Variants in PANK3 observed in about 807,000 individuals in gnomAD.
The protein encoded by PANK3 is pantothenate kinase 3.
In PANK3, 20 loss-of-function variants were observed where a neutral mutation model predicts 39.4. That is an observed-to-expected ratio of 0.51 (90% CI 0.36 to 0.74). The LOEUF (loss-of-function observed/expected upper bound fraction) is 0.74. Ranked by LOEUF, PANK3 falls within the 30% of genes least tolerant of loss-of-function variation. The pLI, the probability that PANK3 is intolerant of heterozygous loss-of-function variation, is 0.00. For missense variants in PANK3, 265 were observed against 437.0 expected (o/e 0.61, Z 3.51); for synonymous variants, 140 against 157.3 (o/e 0.89, Z 0.82).
rs1343459030 is a variant in PANK3, at chr5:168,553,979, T to A, written c.*3592A>T. The A allele has an allele frequency of 6.6e-6, 1 of 152,258 alleles. No individual in the cohort carries two copies. The highest frequency in any genetic ancestry group is 1.5e-5 in the Non-Finnish European group (1 of 68,056). The allele number at this position is 152,258 out of a possible 1,614,324, so 9.4% of individuals were successfully genotyped here. A position where few individuals can be genotyped will look rare whatever the true frequency, so the allele number is the denominator to read the frequency against. ...TTATCCCAAATAAATGTTACAGGAA[T>A]CTAATAGATGAGCTATTTTGAAACT... is the stretch of plus-strand genomic sequence containing the variant. On this transcript the variant is annotated 3_prime_UTR_variant, in exon 7 of 7. Transcript: ENST00000239231.
At chr5:168,569,943 A>G (rs540832821) in intron 1 of PANK3, among the ~76,000 whole-genome samples, 1 of 152,198 alleles carries the variant, frequency 6.6e-6, no homozygotes, top group African/African-American at 2.4e-5. Context: ...TCCCAGTTAC[A>G]GGAGGCTGAG....
chr5:168,572,312 C>T (rs974754818), intron 1 of PANK3, among the ~76,000 whole-genome samples: 3 of 152,002 alleles, frequency 2.0e-5, no homozygotes, highest in East Asian at 1.9e-4. Flanking sequence ...AGGGGTTTCA[C>T]CATGTTGACT....
chr5:168,574,619 T>C (rs1759702478), intron 1 of PANK3, among the ~76,000 whole-genome samples: 2 of 152,160 alleles, frequency 1.3e-5, no homozygotes, highest in African/African-American at 4.8e-5. Context: ...CCTAGCACTA[T>C]GGGAGGCCGA....
At chr5:168,557,813 T>C (rs1759374216) in intron 6 of PANK3, among the ~76,000 whole-genome samples, 192 bp from the exon 7 acceptor site, 1 of 152,210 alleles carries the variant, frequency 6.6e-6, no homozygotes, top group Non-Finnish European at 1.5e-5. Flanking sequence ...ACCTTTGAAA[T>C]ATGTATTTTT....
intron 1 of PANK3, among the ~76,000 whole-genome samples, chr5:168,578,033 T>A (rs1030064213): frequency 5.3e-5 from 8 of 152,342 alleles, no homozygotes; most frequent in African/African-American, 1.4e-4. Context: ...AATAATTTTT[T>A]AAAAATTTTA....
At chr5:168,576,687 CA>C (rs1759735526) in intron 1 of PANK3, among the ~76,000 whole-genome samples, 1 of 151,502 alleles carries the variant, frequency 6.6e-6, no homozygotes, top group African/African-American at 2.4e-5. Flanking sequence ...CTTGTTTAGC[CA>C]ATATAATATA....
chr5:168,569,725 C>T (rs1759596117), intron 1 of PANK3, among the ~76,000 whole-genome samples: 1 of 152,124 alleles, frequency 6.6e-6, no homozygotes, highest in Admixed American at 6.5e-5. Context: ...CCTATAATCA[C>T]TTCAAGTAAC....
intron 1 of PANK3, among the ~76,000 whole-genome samples, chr5:168,570,775 C>A (rs139151147): frequency 2.0e-5 from 3 of 152,258 alleles, no homozygotes; most frequent in Admixed American, 2.0e-4. Context: ...ACACTACTGA[C>A]GTTCTAAGTA....
intron 5 of PANK3, 81 bp downstream of exon 5, chr5:168,561,312 G>C: frequency 4.6e-6 from 6 of 1,294,442 alleles, no homozygotes; most frequent in African/African-American, 1.5e-5. Context: ...CTTAGGGAAA[G>C]TGAAGAAGCC....
chr5:168,574,638 G>C (rs1759702791), intron 1 of PANK3, among the ~76,000 whole-genome samples: 1 of 152,124 alleles, frequency 6.6e-6, no homozygotes, highest in South Asian at 2.1e-4. Context: ...GAGGTGGGTG[G>C]ATCACCTGAG....
chr5:168,555,877 G>GCCTACCA lies in PANK3; in HGVS notation c.*1693_*1694insTGGTAGG, dbSNP rs1759342550. ...TGGCATCCTGCCATTTCATTGTAGT[G>GCCTACCA]CCTATCATTTTTCCATTGATACTGA... On this transcript the variant is annotated 3_prime_UTR_variant, in exon 7 of 7. Coordinates refer to ENST00000239231, the MANE Select transcript of PANK3 (RefSeq NM_024594.4). 6.6e-6 allele frequency: 1 copy of GCCTACCA among 152,192 alleles called. No individual in the cohort carries two copies. Among genetic ancestry groups the GCCTACCA allele is most frequent in the Non-Finnish European group, 1.5e-5 (1 of 68,046 alleles). The allele number at this position is 152,192 out of a possible 1,614,324, so 9.4% of individuals were successfully genotyped here. A position where few individuals can be genotyped will look rare whatever the true frequency, so the allele number is the denominator to read the frequency against.
rs1263853205 is a variant in PANK3, at chr5:168,551,539, A to C, written c.*6032T>G. ...TACAATATGAAAAAACTTTGCTTAT[A>C]ATATACAGAGTGGTTATAAAGAACA... On this transcript the variant is annotated 3_prime_UTR_variant, in exon 7 of 7. Coordinates refer to ENST00000239231, the MANE Select transcript of PANK3 (RefSeq NM_024594.4). 6.6e-6 allele frequency: 1 copy of C among 152,190 alleles called. No homozygotes were observed. The highest frequency in any genetic ancestry group is 2.4e-5 in the African/African-American group (1 of 41,460). The allele number at this position is 152,190 out of a possible 1,614,324, so 9.4% of individuals were successfully genotyped here.
chr5:168,563,841 T>C (rs769392336), intron 4 of PANK3, 48 bp downstream of exon 4: 15 of 1,497,514 alleles, frequency 1.0e-5, no homozygotes, highest in Middle Eastern at 1.8e-4. Context: ...ATAAGCAACT[T>C]GAATTACTTA....
At position 168,579,323 on chromosome 5, in the gene PANK3, G is replaced by A. The variant is rs1759791269; in HGVS notation, c.-40C>T. ...GGGCGATGGACGGCCTCCGATCCGG[G>A]GCACTGAGAGCAGAGGCGGCGACTC... On this transcript the variant is annotated 5_prime_UTR_variant, in exon 1 of 7. Coordinates refer to ENST00000239231, the MANE Select transcript of PANK3 (RefSeq NM_024594.4). 2.8e-6 allele frequency: 4 copies of A among 1,450,096 alleles called. No homozygotes were observed. Among genetic ancestry groups the A allele is most frequent in the African/African-American group, 1.5e-5 (1 of 67,772 alleles). The allele number at this position is 1,450,096 out of a possible 1,614,324, so 89.8% of individuals were successfully genotyped here. A position where few individuals can be genotyped will look rare whatever the true frequency, so the allele number is the denominator to read the frequency against.
intron 1 of PANK3, among the ~76,000 whole-genome samples, chr5:168,578,953 T>A (rs1404038283): frequency 6.6e-6 from 1 of 152,060 alleles, no homozygotes; most frequent in Non-Finnish European, 1.5e-5. Flanking sequence ...CAGGGGGAGC[T>A]GGGAGAGGAG....
chr5:168,574,599 C>A (rs541555907), intron 1 of PANK3, among the ~76,000 whole-genome samples: 1 of 152,280 alleles, frequency 6.6e-6, no homozygotes, highest in South Asian at 2.1e-4. Context: ...CGGTAGCTCA[C>A]ATCTGTAATC....
intron 3 of PANK3, among the ~76,000 whole-genome samples, chr5:168,564,821 T>C (rs1209021030): frequency 2.0e-5 from 3 of 152,234 alleles, no homozygotes; most frequent in African/African-American, 4.8e-5. Context: ...TTCAATATGA[T>C]ACACTAATAT....
At chr5:168,566,397 A>T in intron 2 of PANK3, 131 bp from the exon 3 acceptor site, 1 of 1,044,272 alleles carries the variant, frequency 9.6e-7, no homozygotes, top group South Asian at 1.7e-5. Context: ...GTTTCATGTC[A>T]GAATCTCTTT....
rs535042949 is a variant in PANK3, at chr5:168,551,777, A to C, written c.*5794T>G. On this transcript the variant is annotated 3_prime_UTR_variant, in exon 7 of 7. Coordinates refer to ENST00000239231, the MANE Select transcript of PANK3 (RefSeq NM_024594.4). The stretch of plus-strand genomic sequence containing the variant: ...ATGTACACTCAAAGGTAAAAGAAAA[A>C]AAACCTCAGAAATTTTTATAGAGTC... 6.6e-6 allele frequency: 1 copy of C among 152,324 alleles called. No individual in the cohort carries two copies. Among genetic ancestry groups the C allele is most frequent in the South Asian group, 2.1e-4 (1 of 4,832 alleles). The allele number at this position is 152,324 out of a possible 1,614,324, so 9.4% of individuals were successfully genotyped here.
Sources: allele counts gnomAD v4.1 joint callset (sites outside exome capture counted in the v4.1 genomes callset), GRCh38; gene constraint gnomAD v4.1.1; transcripts MANE v1.5; gene names NCBI Gene and HGNC (gene_info 2026-07-23, HGNC 2026-07-21).